The following C12orf42 variants were observed in gnomAD, a reference collection of about 807,000 sequenced individuals.
The protein encoded by C12orf42 is chromosome 12 open reading frame 42, also known as uncharacterized protein C12orf42.
Under a neutral mutation model 21.6 loss-of-function variants are expected in C12orf42, and 25 were observed. The ratio of observed to expected loss-of-function variants is 1.16; its 90% CI spans 0.84 to 1.62. The LOEUF is 1.62. Among genes scored for constraint, C12orf42 ranks in the 40% most tolerant of loss-of-function variants. C12orf42 has a pLI of 0.00. For missense variants in C12orf42, 483 were observed against 459.3 expected (o/e 1.05, Z -0.47); for synonymous variants, 174 against 175.0 (o/e 0.99, Z 0.05).
At chr12:103,500,164 G>A (rs1955683406), upstream of C12orf42, among the ~76,000 whole-genome samples, 2 of 152,132 alleles carry the variant, frequency 1.3e-5, no homozygotes, top group East Asian at 1.9e-4. Context: ...GCAGCAAACT[G>A]CTTAAATGAT....
chr12:103,464,635 T>G (rs1202946268), intron 2 of C12orf42, among the ~76,000 whole-genome samples: 1 of 152,238 alleles, frequency 6.6e-6, no homozygotes, highest in East Asian at 1.9e-4. Context: ...CATGAAATCT[T>G]TGCCAGTGCC....
chr12:103,532,268 G>T, the C12orf42 span, among the ~76,000 whole-genome samples: 39 of 152,224 alleles, frequency 2.6e-4, no homozygotes, highest in African/African-American at 9.1e-4. Context: ...GTGCAGCCGT[G>T]AAAAACCAGG....
At chr12:103,469,840 G>A (rs546914834) in intron 2 of C12orf42, among the ~76,000 whole-genome samples, 1 of 152,292 alleles carries the variant, frequency 6.6e-6, no homozygotes, top group East Asian at 1.9e-4. Context: ...CCAACATTGA[G>A]TTTTTAATCT....
intron 10 of C12orf42, among the ~76,000 whole-genome samples, chr12:103,258,550 G>T (rs901003171): frequency 2.0e-5 from 3 of 151,102 alleles, no homozygotes; most frequent in African/African-American, 7.3e-5. Flanking sequence ...AATATATAGA[G>T]AAATCAAAAA....
chr12:103,468,926 A>G (rs1953360736), intron 2 of C12orf42, among the ~76,000 whole-genome samples: 1 of 152,190 alleles, frequency 6.6e-6, no homozygotes, highest in Non-Finnish European at 1.5e-5. Flanking sequence ...AGCAGGGGTA[A>G]TTTACTCCAG....
chr12:103,100,198 C>T, the C12orf42 span, among the ~76,000 whole-genome samples: 1 of 152,238 alleles, frequency 6.6e-6, no homozygotes, highest in Non-Finnish European at 1.5e-5. Context: ...ATGCCATCCC[C>T]ACAGGACTGG....
At chr12:103,190,177 G>A in the C12orf42 span, among the ~76,000 whole-genome samples, 1 of 152,170 alleles carries the variant, frequency 6.6e-6, no homozygotes, top group African/African-American at 2.4e-5. Flanking sequence ...CCAAGGGCCT[G>A]AGAGCCTCTG....
the C12orf42 span, among the ~76,000 whole-genome samples, chr12:103,049,236 C>T: frequency 6.6e-6 from 1 of 152,204 alleles, no homozygotes; most frequent in Non-Finnish European, 1.5e-5. Context: ...AAATCCGCTC[C>T]TCTCATGATC....
At chr12:103,540,749 A>C in the C12orf42 span, among the ~76,000 whole-genome samples, 7 of 152,260 alleles carry the variant, frequency 4.6e-5, no homozygotes, top group East Asian at 1.3e-3. Flanking sequence ...TTTATATTTC[A>C]ACTGGAACAT....
chr12:103,051,958 T>C, the C12orf42 span, among the ~76,000 whole-genome samples: 1 of 152,352 alleles, frequency 6.6e-6, no homozygotes, highest in African/African-American at 2.4e-5. Context: ...TGAAATGAGA[T>C]AGTATAAATT....
the C12orf42 span, among the ~76,000 whole-genome samples, chr12:103,506,835 T>TA: frequency 2.9e-5 from 2 of 69,802 alleles, no homozygotes; most frequent in African/African-American, 6.9e-5. Context: ...TATTTATATA[T>TA]TATATATATA....
At chr12:103,311,991 T>C (rs1237959178) in intron 4 of C12orf42, among the ~76,000 whole-genome samples, 1 of 152,204 alleles carries the variant, frequency 6.6e-6, no homozygotes, top group Non-Finnish European at 1.5e-5. Flanking sequence ...ACAAAGTCTT[T>C]CTCCTCAGGT....
chr12:103,155,192 T>C, the C12orf42 span: 1 of 152,190 alleles, frequency 6.6e-6, no homozygotes, highest in Non-Finnish European at 1.5e-5. Context: ...TCCTAAATTA[T>C]TTTCTTGCCA....
At chr12:103,152,700 A>G in the C12orf42 span, among the ~76,000 whole-genome samples, 2 of 152,138 alleles carry the variant, frequency 1.3e-5, no homozygotes, top group Non-Finnish European at 2.9e-5. Flanking sequence ...CAATATAGTA[A>G]TCATATTTTG....
At chr12:103,311,965 T>A (rs536034075) in intron 4 of C12orf42, among the ~76,000 whole-genome samples, 2 of 152,356 alleles carry the variant, frequency 1.3e-5, no homozygotes, top group African/African-American at 4.8e-5. Context: ...ATGAATATAC[T>A]AGAGCTATAA....
intron 4 of C12orf42, among the ~76,000 whole-genome samples, chr12:103,340,548 A>G (rs911305030): frequency 6.6e-6 from 1 of 152,214 alleles, no homozygotes; most frequent in African/African-American, 2.4e-5. Context: ...AAGCACAAGA[A>G]TATTTATAAG....
At chr12:103,291,051 T>C (rs1174625570) in intron 4 of C12orf42, among the ~76,000 whole-genome samples, 1 of 152,172 alleles carries the variant, frequency 6.6e-6, no homozygotes, top group African/African-American at 2.4e-5. Context: ...AAAGAAAATA[T>C]AGTATTTAGT....
chr12:103,228,240 G>A, the C12orf42 span, among the ~76,000 whole-genome samples: 2 of 152,102 alleles, frequency 1.3e-5, no homozygotes, highest in African/African-American at 4.8e-5. Context: ...CCATTTTATA[G>A]GATTTGGGTA....
intron 2 of C12orf42, among the ~76,000 whole-genome samples, chr12:103,403,350 T>C (rs1593840202): frequency 7.1e-6 from 1 of 141,368 alleles, no homozygotes; most frequent in Admixed American, 7.4e-5. Flanking sequence ...CACTCCAGCC[T>C]GGGCAACAGA....
Sources: gnomAD v4.1 joint callset for allele counts (sites outside exome capture counted in the v4.1 genomes callset) on GRCh38, gnomAD v4.1.1 for gene constraint, MANE v1.5 for transcripts, NCBI Gene and HGNC (gene_info 2026-07-23, HGNC 2026-07-21) for gene names.